The following OR5B3 variants were observed in gnomAD, a reference collection of about 807,000 sequenced individuals.
The protein encoded by OR5B3 is olfactory receptor 5B3.
For synonymous variants in OR5B3, 150 were observed against 135.0 expected, an observed-to-expected ratio of 1.11 and a Z score of -0.77; for missense variants, 430 against 375.4, an observed-to-expected ratio of 1.15 and a Z score of -1.20.
chr11:58,406,048 A>C (rs1020401873), intron 1 of OR5B3, among the ~76,000 whole-genome samples: 1 of 152,164 alleles, frequency 6.6e-6, no homozygotes, highest in African/African-American at 2.4e-5. Flanking sequence ...TCACTTCCCA[A>C]GCCTGACCTA....
At chr11:58,403,626 TTAG>T (rs1283463509) in intron 1 of OR5B3, among the ~76,000 whole-genome samples, 191 bp from the exon 2 acceptor site, 2 of 152,054 alleles carry the variant, frequency 1.3e-5, no homozygotes, top group Admixed American at 6.6e-5. Flanking sequence ...CTGAAGAATC[TTAG>T]TAGATTATCT....
intron 1 of OR5B3, 111 bp from the exon 2 acceptor site, chr11:58,403,546 C>T: frequency 1.8e-6 from 1 of 546,028 alleles, no homozygotes; most frequent in Non-Finnish European, 3.1e-6. Context: ...CTTCAAGATT[C>T]CCTAGAAAAA....
In OR5B3 at chr11:58,402,523, T is replaced by C. The variant is rs12279895; in HGVS notation, c.887A>G (p.Lys296Arg). 0.35 allele frequency: 557,759 copies of C among 1,605,970 alleles called. 99,988 individuals are homozygous for C. Among genetic ancestry groups the C allele is most frequent in the Non-Finnish European group, 0.37 (431,736 of 1,172,708 alleles). Reference protein sequence around the residue: ...LVYSLRNKEVKSAFKKVVEKA... With the variant: ...LVYSLRNKEVRSAFKKVVEKA... ...CTCAACAACTTTCTTGAATGCACTCTTCACTTCCTTGTTCCTCAGACTATA... is the reference window on the plus strand; with the variant it reads ...CTCAACAACTTTCTTGAATGCACTCCTCACTTCCTTGTTCCTCAGACTATA... The change falls in exon 2 of 2, where the codon AAG becomes AGG. Residue 296 changes from lysine (K) to arginine (R), a missense_variant. Physicochemically the swap from Lys to Arg is conservative, Grantham distance 26. Transcript: ENST00000641865.
Position 58,402,690 on chromosome 11 carries a change from G to A in OR5B3, c.720C>T (p.Ala240=). ...AGATGCCGACTGCAATGAAATGAGA[G>A]GCACAGGTGGACAAAGGCTTCTGGT... ...SVYQKPLSTC[A]SHFIAVGIFY... is the part of the protein sequence containing the mutation. Residue 240 remains alanine (A), a synonymous_variant, in exon 2 of 2, where the codon GCC becomes GCT. Transcript: ENST00000641865. 6.2e-7 allele frequency: 1 copy of A among 1,613,896 alleles called. No individual in the cohort carries two copies. The highest frequency in any genetic ancestry group is 8.5e-7 in the Non-Finnish European group (1 of 1,179,902).
In OR5B3 at chr11:58,403,269, T is replaced by TC; in HGVS notation, c.140_141insG (p.Ile47MetfsTer17). The TC allele has an allele frequency of 6.2e-7, 1 of 1,613,760 alleles. No individual in the cohort carries two copies. The highest frequency in any genetic ancestry group is 1.6e-4 in the Middle Eastern group (1 of 6,062). On this transcript the variant is annotated frameshift_variant, in exon 2 of 2. Transcript: ENST00000641865. LOFTEE classifies it low-confidence loss of function (END_TRUNC). ...GATTGTGGAGACAGGAATCCCAGAA[T>TC]ATCAATACAATAATTCCCAGGTTTC... is the stretch of plus-strand genomic sequence containing the variant.
Position 58,402,551 on chromosome 11 carries a change from C to A in OR5B3, c.859G>T (p.Val287Phe), listed in dbSNP as rs757837626. The A allele has an allele frequency of 1.9e-6, 3 of 1,613,418 alleles. No homozygotes were observed. The highest frequency in any genetic ancestry group is 2.5e-6 in the Non-Finnish European group (3 of 1,179,534). The stretch of plus-strand genomic sequence containing the variant: ...ACTTCCTTGTTCCTCAGACTATAGA[C>A]CAGAGGGTTCAGCATGGGGATGACC... ...TMVIPMLNPL[V>F]YSLRNKEVKS... The change falls in exon 2 of 2, where the codon GTC becomes TTC. Residue 287 changes from valine (V) to phenylalanine (F), a missense_variant. By Grantham distance (50) the Val-to-Phe change is conservative (BLOSUM62 -1). Coordinates refer to ENST00000641865, the MANE Select transcript of OR5B3 (RefSeq NM_001005469.2).
At chr11:58,404,333 A>T (rs1855073996) in intron 1 of OR5B3, among the ~76,000 whole-genome samples, 1 of 112,824 alleles carries the variant, frequency 8.9e-6, no homozygotes, top group South Asian at 2.9e-4. Flanking sequence ...ACTTTGAGGT[A>T]TTATTGTGAG....
At chr11:58,404,547 A>T (rs1185886848) in intron 1 of OR5B3, among the ~76,000 whole-genome samples, 1 of 151,720 alleles carries the variant, frequency 6.6e-6, no homozygotes, top group Non-Finnish European at 1.5e-5. Context: ...CCTCCATGCT[A>T]GGACCACTGA....
At position 58,403,111 on chromosome 11, in the gene OR5B3, T is replaced by C. The variant is rs1394152859; in HGVS notation, c.299A>G (p.Tyr100Cys). The C allele has an allele frequency of 3.7e-6, 6 of 1,614,008 alleles. No homozygotes were observed. The highest frequency in any genetic ancestry group is 2.2e-5 in the South Asian group (2 of 91,096). ...ISYNACAAQMYIFVAFATVEN... is the reference protein window; with the variant it reads ...ISYNACAAQMCIFVAFATVEN... ...CACAGTGGCAAAAGCTACAAAGATA[T>C]ACATTTGAGCAGCACATGCATTGTA... Residue 100 changes from tyrosine to cysteine, a missense_variant, in exon 2 of 2, where the codon TAT becomes TGT. Coordinates refer to ENST00000641865, the MANE Select transcript of OR5B3 (RefSeq NM_001005469.2).
At position 58,402,488 on chromosome 11, in the gene OR5B3, A is replaced by G; in HGVS notation, c.922T>C (p.Leu308=). ...TGTTAAACTGACCATCCTACAGACA[A>G]TTTTGCCTTCTCAACAACTTTCTTG... ...AFKKVVEKAK[L]SVGWSV The change falls in exon 2 of 2, where the codon TTG becomes CTG. Residue 308 remains leucine (L), a synonymous_variant. Transcript: ENST00000641865. 3.1e-6 allele frequency: 5 copies of G among 1,609,170 alleles called. No homozygotes were observed. The highest frequency in any genetic ancestry group is 4.3e-6 in the Non-Finnish European group (5 of 1,175,566).
In OR5B3 at chr11:58,403,427, C is replaced by T. The variant is rs756467952; in HGVS notation, c.-18G>A. The T allele has an allele frequency of 7.3e-7, 1 of 1,366,422 alleles. No homozygotes were observed. The highest frequency in any genetic ancestry group is 1.0e-6 in the Non-Finnish European group (1 of 995,768). 84.6% of individuals were successfully genotyped at this position (1,366,422 alleles called of 1,614,324 possible). On this transcript the variant is annotated 5_prime_UTR_variant, in exon 2 of 2. Coordinates refer to ENST00000641865, the MANE Select transcript of OR5B3 (RefSeq NM_001005469.2). ...TTTTCCATCACTGCTCTGGGGGACT[C>T]ACAGGATGCTTGTAGCAATACAAAA...
chr11:58,403,261 T>A lies in OR5B3; in HGVS notation c.149A>T (p.Asp50Val). Residue 50 changes from aspartate to valine, a missense_variant, in exon 2 of 2, where the codon GAT (aspartate) becomes GTT (valine). Transcript: ENST00000641865. ...GTACATGGGATTGTGGAGACAGGAA[T>A]CCCAGAATATCAATACAATAATTCC... ...NLGIIVLIFW[D>V]SCLHNPMYFF... The A allele has an allele frequency of 1.9e-6, 3 of 1,613,782 alleles. No homozygotes were observed. Among genetic ancestry groups the A allele is most frequent in the Non-Finnish European group, 2.5e-6 (3 of 1,179,798 alleles).
intron 1 of OR5B3, among the ~76,000 whole-genome samples, chr11:58,405,088 C>G (rs1181427260): frequency 1.3e-5 from 2 of 152,068 alleles, no homozygotes; most frequent in Non-Finnish European, 2.9e-5. Context: ...CTATTGTTCC[C>G]ATATTTATGT....
rs775393710 is a variant in OR5B3 at position 58,403,383 on chromosome 11, T to C, written c.27A>G (p.Gln9=). The part of the protein sequence containing the change: MENKTEVT[Q]FILLGLTNDS... Reference sequence around the variant, plus strand: ...CATTGGTTAGTCCTAGAAGAATGAATTGTGTTACTTCTGTCTTATTTTCCA... The same window carrying C: ...CATTGGTTAGTCCTAGAAGAATGAACTGTGTTACTTCTGTCTTATTTTCCA... Residue 9 remains glutamine (Q), a synonymous_variant, in exon 2 of 2, where the codon CAA becomes CAG. Coordinates refer to ENST00000641865, the MANE Select transcript of OR5B3 (RefSeq NM_001005469.2). 1 of 1,591,360 alleles carries C rather than the reference T, an allele frequency of 6.3e-7. No individual in the cohort carries two copies. The highest frequency in any genetic ancestry group is 8.6e-7 in the Non-Finnish European group (1 of 1,168,268).
At chr11:58,403,799 A>G (rs1405340510) in intron 1 of OR5B3, among the ~76,000 whole-genome samples, 1 of 152,184 alleles carries the variant, frequency 6.6e-6, no homozygotes, top group Non-Finnish European at 1.5e-5. Context: ...TTCTCTAGAC[A>G]TTTAAGATAT....
chr11:58,404,760 G>A (rs1360152902), intron 1 of OR5B3, among the ~76,000 whole-genome samples: 1 of 152,000 alleles, frequency 6.6e-6, no homozygotes, highest in Non-Finnish European at 1.5e-5. Context: ...AAGATTAAGG[G>A]TTAAAATTTC....
rs1168648080 is a variant in OR5B3 at position 58,402,680 on chromosome 11, T to C, written c.730A>G (p.Ile244Val). 1.9e-6 allele frequency: 3 copies of C among 1,613,836 alleles called. No homozygotes were observed. Among genetic ancestry groups the C allele is most frequent in the South Asian group, 1.1e-5 (1 of 91,080 alleles). Reference protein sequence around the residue: ...KPLSTCASHFIAVGIFYGTII... With the variant: ...KPLSTCASHFVAVGIFYGTII... ...GTCCCATAGAAGATGCCGACTGCAA[T>C]GAAATGAGAGGCACAGGTGGACAAA... Residue 244 changes from isoleucine to valine, a missense_variant, in exon 2 of 2, where the codon ATT becomes GTT. Ile to Val is a conservative substitution (Grantham distance 29). Transcript: ENST00000641865.
chr11:58,404,147 A>G (rs543089132), intron 1 of OR5B3, among the ~76,000 whole-genome samples: 12 of 152,044 alleles, frequency 7.9e-5, no homozygotes, highest in Non-Finnish European at 1.8e-4. Context: ...GGGCATGTTC[A>G]ACTACCAGAA....
chr11:58,402,566 T>G lies in OR5B3; in HGVS notation c.844A>C (p.Met282Leu), dbSNP rs749639742. ...AGACTATAGACCAGAGGGTTCAGCA[T>G]GGGGATGACCATTGTATAGAACACA... ...APVFYTMVIP[M>L]LNPLVYSLRN... The change falls in exon 2 of 2, where the codon ATG (methionine) becomes CTG (leucine). Residue 282 changes from methionine to leucine, a missense_variant. Physicochemically the swap from Met to Leu is conservative, Grantham distance 15 (BLOSUM62 2). Coordinates refer to ENST00000641865, the MANE Select transcript of OR5B3 (RefSeq NM_001005469.2). 7 of 1,613,292 alleles carry G rather than the reference T, an allele frequency of 4.3e-6. No individual in the cohort carries two copies. Among genetic ancestry groups the G allele is most frequent in the Non-Finnish European group, 5.9e-6 (7 of 1,179,414 alleles).
Sources: gnomAD v4.1 joint callset for allele counts (sites outside exome capture counted in the v4.1 genomes callset) on GRCh38, gnomAD v4.1.1 for gene constraint, MANE v1.5 for transcripts, NCBI Gene and HGNC (gene_info 2026-07-23, HGNC 2026-07-21) for gene names.